Variants in DPP10 observed in about 807,000 individuals in gnomAD.
The protein encoded by DPP10 is inactive dipeptidyl peptidase 10.
Under a neutral mutation model 120.9 loss-of-function variants are expected in DPP10, and 33 were observed. The observed-to-expected ratio is 0.27, with a 90% CI of 0.21 to 0.37. The LOEUF is 0.37. Ranked by LOEUF, DPP10 falls within the 10% of genes least tolerant of loss-of-function variation. The probability of loss-of-function intolerance (pLI) is 1.00; values close to 1 mark genes in which losing one functional copy is unlikely to be tolerated. For synonymous variants in DPP10, 337 were observed against 326.1 expected, an observed-to-expected ratio of 1.03 and a Z score of -0.36; for missense variants, 816 against 942.8, an observed-to-expected ratio of 0.87 and a Z score of 1.76.
intron 1 of DPP10, among the ~76,000 whole-genome samples, chr2:114,534,687 C>A (rs1430107): frequency 0.019 from 2,903 of 149,328 alleles, 108 homozygotes; most frequent in African/African-American, 0.068. Context: ...TCCCTAGAAA[C>A]CTTCTGTTTT....
intron 5 of DPP10, among the ~76,000 whole-genome samples, chr2:115,613,153 G>A (rs1051000229): frequency 9.2e-5 from 14 of 152,260 alleles, no homozygotes; most frequent in African/African-American, 2.2e-4. Flanking sequence ...TTCTAGGAGC[G>A]CCAGATGCTT....
intron 1 of DPP10, among the ~76,000 whole-genome samples, chr2:114,898,828 A>AT (rs1288644795): frequency 6.6e-6 from 1 of 152,090 alleles, no homozygotes; most frequent in Non-Finnish European, 1.5e-5. Flanking sequence ...ACAGGGTTTT[A>AT]TTTTTTTCCT....
chr2:114,766,922 T>TAC (rs1333454315), intron 1 of DPP10, among the ~76,000 whole-genome samples: 10 of 151,100 alleles, frequency 6.6e-5, no homozygotes, highest in South Asian at 2.1e-4. Flanking sequence ...CGCACACACA[T>TAC]ACACACACGA....
chr2:114,868,726 C>T (rs933021569), intron 1 of DPP10, among the ~76,000 whole-genome samples: 1 of 152,182 alleles, frequency 6.6e-6, no homozygotes, highest in Non-Finnish European at 1.5e-5. Flanking sequence ...ATTTCAGGGA[C>T]GCTTGTTCTA....
intron 3 of DPP10, among the ~76,000 whole-genome samples, chr2:115,432,922 G>T (rs1247135735): frequency 1.3e-5 from 2 of 151,966 alleles, no homozygotes; most frequent in African/African-American, 4.8e-5. Context: ...CGTGCAACTA[G>T]TTATGGTCCA....
chr2:115,598,053 T>G lies in DPP10; in HGVS notation c.441+72081T>G, dbSNP rs1053689956. ...AATACTAATTATTTTGAAGTCTATT[T>G]TATTTGATATTATTATTGCTACTTC... On this transcript the variant is annotated intron_variant, in intron 5 of 25. Transcript: ENST00000410059. Among the ~76,000 whole-genome samples, 3 of 152,066 alleles carry G rather than the reference T, an allele frequency of 2.0e-5. No homozygotes were observed. The East Asian group carries it at 5.8e-4, about 29-fold the overall frequency.
chr2:114,655,773 T>C (rs1228818391), intron 1 of DPP10, among the ~76,000 whole-genome samples: 2 of 152,150 alleles, frequency 1.3e-5, no homozygotes, highest in African/African-American at 4.8e-5. Flanking sequence ...TATAATCTAA[T>C]TATTTTTTCC....
At chr2:114,663,696 G>GAGAGAGAGAGAGAGAGAGAGAA (rs1272120972) in intron 1 of DPP10, among the ~76,000 whole-genome samples, 1 of 146,538 alleles carries the variant, frequency 6.8e-6, no homozygotes, top group East Asian at 2.0e-4. Context: ...GAGAGAGAGA[G>GAGAGAGAGAGAGAGAGAGAGAA]AAACTGACTG....
intron 1 of DPP10, among the ~76,000 whole-genome samples, chr2:115,104,508 C>G (rs2048853434): frequency 6.6e-6 from 1 of 152,148 alleles, no homozygotes; most frequent in Admixed American, 6.5e-5. Flanking sequence ...AATCTGTCTA[C>G]AGCCTCCTTA....
chr2:114,797,562 G>A (rs1388192551), intron 1 of DPP10, among the ~76,000 whole-genome samples: 1 of 152,084 alleles, frequency 6.6e-6, no homozygotes, highest in Non-Finnish European at 1.5e-5. Flanking sequence ...ATGGCAAAGG[G>A]GCACCAGAAT....
At chr2:114,849,453 G>A (rs1052533740) in intron 1 of DPP10, among the ~76,000 whole-genome samples, 2 of 152,096 alleles carry the variant, frequency 1.3e-5, no homozygotes, top group African/African-American at 4.8e-5. Context: ...GGGCTCAAAT[G>A]ATCCTCCTGC....
chr2:114,631,318 C>G (rs1212636573), intron 1 of DPP10, among the ~76,000 whole-genome samples: 1 of 152,054 alleles, frequency 6.6e-6, no homozygotes, highest in Non-Finnish European at 1.5e-5. Context: ...CCTCTAAAAG[C>G]ATGCCTCCTT....
rs567831143 is a variant in DPP10 at position 114,753,445 on chromosome 2, G to A, written c.60+310607G>A. 2.0e-4 allele frequency among the ~76,000 whole-genome samples: 31 copies of A among 152,214 alleles called. 1 individual carries two copies. The Middle Eastern group carries it at 0.017, about 84-fold the overall frequency. ...AATGTAAGTCTTATCTCCAGTGATC[G>A]CTGTGAGGATTAAACAAGCTATCAC... On this transcript the variant is annotated intron_variant, in intron 1 of 25. Coordinates refer to ENST00000410059, the MANE Select transcript of DPP10 (RefSeq NM_020868.6).
At chr2:115,322,878 T>TA (rs894775359) in intron 2 of DPP10, among the ~76,000 whole-genome samples, 11 of 152,194 alleles carry the variant, frequency 7.2e-5, no homozygotes, top group African/African-American at 1.9e-4. Flanking sequence ...GCTTTATTGT[T>TA]AAAAAAATTC....
chr2:114,709,098 G>C (rs541474274), intron 1 of DPP10, among the ~76,000 whole-genome samples: 1 of 152,264 alleles, frequency 6.6e-6, no homozygotes, highest in Non-Finnish European at 1.5e-5. Context: ...ATCACAAGAA[G>C]CTGGCCCTTC....
intron 1 of DPP10, among the ~76,000 whole-genome samples, chr2:114,459,477 T>G: frequency 6.6e-6 from 1 of 152,124 alleles, no homozygotes; most frequent in East Asian, 1.9e-4. Flanking sequence ...TGTCAAAAAT[T>G]TTTATGAGAC....
At chr2:115,499,457 C>A in intron 3 of DPP10, 53 bp from the exon 4 acceptor site, 1 of 1,422,478 alleles carries the variant, frequency 7.0e-7, no homozygotes, top group Non-Finnish European at 9.8e-7. Flanking sequence ...CCTACAGTTA[C>A]TATATTATCT....
At chr2:115,207,079 T>A (rs1020169659) in intron 1 of DPP10, among the ~76,000 whole-genome samples, 6 of 152,222 alleles carry the variant, frequency 3.9e-5, no homozygotes, top group African/African-American at 9.6e-5. Flanking sequence ...GTGTGCATAA[T>A]AAACATTCCT....
intron 8 of DPP10, among the ~76,000 whole-genome samples, chr2:115,730,880 C>A (rs13414191): frequency 6.6e-6 from 1 of 152,084 alleles, no homozygotes; most frequent in Non-Finnish European, 1.5e-5. Flanking sequence ...AAATGCTGTA[C>A]GTGTATGTGA....
Sources: allele counts gnomAD v4.1 joint callset (sites outside exome capture counted in the v4.1 genomes callset), GRCh38; gene constraint gnomAD v4.1.1; transcripts MANE v1.5; gene names NCBI Gene and HGNC (gene_info 2026-07-23, HGNC 2026-07-21).